TNNI3K: variants seen among roughly 807,000 people sequenced by gnomAD.
TNNI3K encodes the protein serine/threonine-protein kinase TNNI3K.
A neutral mutation model predicts 114.5 loss-of-function variants in TNNI3K; 140 were observed. The observed-to-expected ratio is 1.22, with a 90% CI of 1.07 to 1.41. TNNI3K has a LOEUF of 1.41. Ranked by LOEUF, TNNI3K falls within the 40% of genes most tolerant of loss-of-function variation. TNNI3K has a pLI of 0.00. For synonymous variants in TNNI3K, 347 were observed against 347.5 expected, an observed-to-expected ratio of 1.00 and a Z score of 0.02; for missense variants, 1,125 against 1,007.6, an observed-to-expected ratio of 1.12 and a Z score of -1.58.
chr1:74,375,906 G>T, intron 17 of TNNI3K: 2 of 226,236 alleles, frequency 8.8e-6, no homozygotes, highest in African/African-American at 2.2e-5. Flanking sequence ...CCCACTGAAG[G>T]GTCACAACGA....
At chr1:74,242,003 C>T (rs1175827459) in intron 2 of TNNI3K, among the ~76,000 whole-genome samples, 1 of 152,014 alleles carries the variant, frequency 6.6e-6, no homozygotes, top group Non-Finnish European at 1.5e-5. Context: ...GCACCCACCA[C>T]CACACCTGGC....
chr1:74,484,397 C>T (rs1037242339), intron 21 of TNNI3K, among the ~76,000 whole-genome samples: 4 of 152,118 alleles, frequency 2.6e-5, no homozygotes, highest in African/African-American at 9.7e-5. Flanking sequence ...AGAGCAGGGG[C>T]TGACAAGCAC....
intron 17 of TNNI3K, among the ~76,000 whole-genome samples, chr1:74,391,657 A>G (rs1053541378): frequency 6.6e-6 from 1 of 152,236 alleles, no homozygotes; most frequent in Non-Finnish European, 1.5e-5. Flanking sequence ...CTTAAATTAT[A>G]CATTTGAGAG....
Position 74,492,091 on chromosome 1 carries a change from A to G in TNNI3K, c.2182-6A>G. 6.5e-7 allele frequency: 1 copy of G among 1,535,566 alleles called. No homozygotes were observed. The highest frequency in any genetic ancestry group is 8.9e-7 in the Non-Finnish European group (1 of 1,129,306). ...AAACAATTGAAATTGCCCCTCCTCC[A>G]CTCAGCTGATGTCTCCTGCATCAAG... On this transcript the variant is annotated splice_polypyrimidine_tract_variant and splice_region_variant and intron_variant, in intron 22 of 24. Coordinates refer to ENST00000326637, the MANE Select transcript of TNNI3K (RefSeq NM_015978.3).
chr1:74,278,500 CTT>C (rs1432931708), intron 5 of TNNI3K, among the ~76,000 whole-genome samples: 1 of 152,142 alleles, frequency 6.6e-6, no homozygotes, highest in African/African-American at 2.4e-5. Flanking sequence ...CCCTCAAAGA[CTT>C]AGCACATTAA....
chr1:74,467,593 G>C (rs1233073007), intron 21 of TNNI3K, among the ~76,000 whole-genome samples: 2 of 151,772 alleles, frequency 1.3e-5, no homozygotes, highest in Non-Finnish European at 2.9e-5. Context: ...TTCTCTAAAG[G>C]AGTGAAAAGA....
At chr1:74,274,678 A>G (rs2100900926) in intron 5 of TNNI3K, among the ~76,000 whole-genome samples, 1 of 152,206 alleles carries the variant, frequency 6.6e-6, no homozygotes, top group African/African-American at 2.4e-5. Context: ...AGGTTTGATA[A>G]TTGGGAATAC....
intron 5 of TNNI3K, among the ~76,000 whole-genome samples, chr1:74,286,597 G>T (rs1163204059): frequency 6.6e-6 from 1 of 151,950 alleles, no homozygotes; most frequent in African/African-American, 2.4e-5. Context: ...TACAAAAAAA[G>T]ACATCAGATT....
At chr1:74,311,174 A>G (rs897150216) in intron 5 of TNNI3K, among the ~76,000 whole-genome samples, 5 of 152,174 alleles carry the variant, frequency 3.3e-5, no homozygotes, top group Non-Finnish European at 5.9e-5. Context: ...TGTATGGTAC[A>G]TGGCAAATTT....
intron 23 of TNNI3K, among the ~76,000 whole-genome samples, chr1:74,505,240 T>C (rs1033316706): frequency 1.3e-5 from 2 of 152,170 alleles, no homozygotes; most frequent in Non-Finnish European, 1.5e-5. Flanking sequence ...CTGAAATATC[T>C]GACAGGACAA....
At chr1:74,480,664 G>T (rs199845398) in intron 21 of TNNI3K, 2 of 717,132 alleles carry the variant, frequency 2.8e-6, no homozygotes, top group African/African-American at 1.7e-5. Context: ...GGGTCAGGCC[G>T]CTTGTGTTTC....
At chr1:74,398,453 C>G (rs1664195632) in intron 17 of TNNI3K, among the ~76,000 whole-genome samples, 1 of 152,064 alleles carries the variant, frequency 6.6e-6, no homozygotes, top group Non-Finnish European at 1.5e-5. Context: ...GTGCGACCTG[C>G]CAGACGATAA....
At chr1:74,348,787 GCTCT>G (rs1661164225) in intron 9 of TNNI3K, among the ~76,000 whole-genome samples, 1 of 151,966 alleles carries the variant, frequency 6.6e-6, no homozygotes, top group Non-Finnish European at 1.5e-5. Context: ...TCATGATTTG[GCTCT>G]CTGTTTGTCT....
chr1:74,430,516 T>C (rs1306096560), intron 17 of TNNI3K, among the ~76,000 whole-genome samples: 1 of 152,086 alleles, frequency 6.6e-6, no homozygotes, highest in East Asian at 1.9e-4. Context: ...TGAACCGTGT[T>C]ACTGAGGAAG....
At chr1:74,461,369 A>G (rs939598458) in intron 20 of TNNI3K, among the ~76,000 whole-genome samples, 3 of 151,610 alleles carry the variant, frequency 2.0e-5, no homozygotes, top group Admixed American at 2.0e-4. Context: ...AGTCCCAGCT[A>G]TTTGGGAGGC....
chr1:74,450,318 T>C (rs1053668734), intron 20 of TNNI3K, among the ~76,000 whole-genome samples: 3 of 151,302 alleles, frequency 2.0e-5, no homozygotes, highest in Admixed American at 6.6e-5. Flanking sequence ...GATCCAAAAT[T>C]GACACCCTAA....
chr1:74,453,856 A>G (rs957361163), intron 20 of TNNI3K, among the ~76,000 whole-genome samples: 12 of 152,190 alleles, frequency 7.9e-5, no homozygotes, highest in Non-Finnish European at 1.8e-4. Flanking sequence ...GCAGGAACGT[A>G]GGTATACCCA....
chr1:74,511,420 A>C (rs1234350769), intron 23 of TNNI3K, among the ~76,000 whole-genome samples: 2 of 151,948 alleles, frequency 1.3e-5, no homozygotes, highest in Admixed American at 1.3e-4. Context: ...CTGGTCTCGA[A>C]CTCCTGACCT....
In TNNI3K at chr1:74,369,110, C is replaced by T. The variant is rs1436455984; in HGVS notation, c.1410C>T (p.Gly470=). The T allele has an allele frequency of 6.2e-7, 1 of 1,606,032 alleles. No homozygotes were observed. Among genetic ancestry groups the T allele is most frequent in the Non-Finnish European group, 8.5e-7 (1 of 1,177,068 alleles). The part of the protein sequence containing the change: ...LSEIEFHEII[G]SGSFGKVYKG... Reference sequence around the variant, plus strand: ...AAATTGAGTTCCATGAGATTATTGGCTCAGGTAACCTAAAATAAATAAATA... The same window carrying T: ...AAATTGAGTTCCATGAGATTATTGGTTCAGGTAACCTAAAATAAATAAATA... The change falls in exon 14 of 25, where the codon GGC becomes GGT. Residue 470 remains glycine (G), a synonymous_variant. Coordinates refer to ENST00000326637, the MANE Select transcript of TNNI3K (RefSeq NM_015978.3).
Sources: allele counts gnomAD v4.1 joint callset (sites outside exome capture counted in the v4.1 genomes callset), GRCh38; gene constraint gnomAD v4.1.1; transcripts MANE v1.5; gene names NCBI Gene and HGNC (gene_info 2026-07-23, HGNC 2026-07-21).